NBPF9: variants seen among roughly 807,000 people sequenced by gnomAD.
NBPF9 encodes NBPF family member NBPF9.
Under a neutral mutation model 97.8 loss-of-function variants are expected in NBPF9, and 91 were observed. That is an observed-to-expected ratio of 0.93 (90% confidence interval 0.79 to 1.11). The LOEUF (loss-of-function observed/expected upper bound fraction) is 1.11. Among genes scored for constraint, NBPF9 ranks in the 50% least tolerant of loss-of-function variants. NBPF9 has a pLI of 0.00. For synonymous variants in NBPF9, 334 were observed against 359.5 expected (o/e 0.93, Z 0.80); for missense variants, 992 against 939.5 (o/e 1.06, Z -0.73).
intron 17 of NBPF9, among the ~76,000 whole-genome samples, chr1:149,068,001 C>T (rs1403794238): frequency 2.1e-5 from 3 of 145,872 alleles, no homozygotes; most frequent in African/African-American, 5.3e-5. Context: ...GAATTTTCAA[C>T]CAAGAATTTC....
At chr1:149,080,823 G>A in intron 7 of NBPF9, among the ~76,000 whole-genome samples, 1 of 146,652 alleles carries the variant, frequency 6.8e-6, no homozygotes, top group Non-Finnish European at 1.5e-5. Flanking sequence ...GCCAATTAAT[G>A]TTCAAGGAGA....
chr1:149,090,462 T>C (rs1468321675), intron 5 of NBPF9: 1 of 264,410 alleles, frequency 3.8e-6, no homozygotes, highest in African/African-American at 2.3e-5. Context: ...AGACAATAAA[T>C]TTGCATATTA....
At chr1:149,079,784 C>T (rs2080247300) in intron 8 of NBPF9, among the ~76,000 whole-genome samples, 2 of 151,948 alleles carry the variant, frequency 1.3e-5, no homozygotes, top group South Asian at 4.2e-4. Context: ...CTAGGTGGTT[C>T]CCACTCCTTT....
At chr1:149,073,348 G>T (rs587628610) in intron 13 of NBPF9, among the ~76,000 whole-genome samples, 44 of 140,670 alleles carry the variant, frequency 3.1e-4, no homozygotes, top group African/African-American at 1.0e-3. Context: ...AAAGACGAAA[G>T]AAGAAAAGAA....
chr1:149,058,800 G>A (rs2078407980), intron 26 of NBPF9, 125 bp downstream of exon 26: 5 of 683,490 alleles, frequency 7.3e-6, no homozygotes, highest in East Asian at 5.4e-5. Context: ...CAACCTATAT[G>A]CGCCCATAGG....
chr1:149,063,605 C>A (rs782271479), intron 20 of NBPF9, 28 bp downstream of exon 20: 1 of 607,792 alleles, frequency 1.6e-6, no homozygotes, highest in Non-Finnish European at 2.8e-6. Context: ...TCAGTGGATC[C>A]TTATCACCTT....
intron 4 of NBPF9, among the ~76,000 whole-genome samples, chr1:149,097,068 AGGAGGAAG>A (rs1224737343): frequency 7.2e-5 from 10 of 137,932 alleles, no homozygotes; most frequent in African/African-American, 2.2e-4. Flanking sequence ...GAGGGAAGGA[AGGAGGAAG>A]GGAGGAAGGA....
Position 149,069,085 on chromosome 1 carries a change from A to AG in NBPF9, c.1637+508_1637+509insC, listed in dbSNP as rs587771478. Among the ~76,000 whole-genome samples, 24 of 152,326 alleles carry AG rather than the reference A, an allele frequency of 1.6e-4. No individual in the cohort carries two copies. The East Asian group carries it at 4.1e-3, about 26-fold the overall frequency. On this transcript the variant is annotated intron_variant, in intron 17 of 29. Transcript: ENST00000584027. ...TTCTTTGAAACCAATGAGAACAAAG[A>AG]CAAAACATACCAGAATCTCTGGGAC...
chr1:149,059,592 A>C lies in NBPF9; in HGVS notation c.2585+108T>G, dbSNP rs2078469353. On this transcript the variant is annotated intron_variant, in intron 25 of 29. Transcript: ENST00000584027. ...AACCAACAGCAATGACAGTAGGAGTAATTCAGCCTTCGTTGAAAACGTGAC... is the reference window on the plus strand; with the variant it reads ...AACCAACAGCAATGACAGTAGGAGTCATTCAGCCTTCGTTGAAAACGTGAC... The C allele has an allele frequency of 7.9e-6, 4 of 504,100 alleles. 1 individual carries two copies. Among genetic ancestry groups the C allele is most frequent in the Non-Finnish European group, 1.4e-5 (4 of 278,894 alleles). The allele number at this position is 504,100 out of a possible 1,614,324, so 31.2% of individuals were successfully genotyped here.
intron 5 of NBPF9, among the ~76,000 whole-genome samples, chr1:149,082,870 C>T (rs1478210887): frequency 6.7e-6 from 1 of 148,858 alleles, no homozygotes; most frequent in Non-Finnish European, 1.5e-5. Flanking sequence ...AGCTCTGCCT[C>T]CCAGGTTCAC....
exon 29 of NBPF9, chr1:149,056,550 T>G: frequency 9.6e-6 from 1 of 104,200 alleles, no homozygotes; most frequent in Non-Finnish European, 1.5e-5. Context: ...CCCCTTCTTT[T>G]CTTCCCCTTC....
intron 14 of NBPF9, among the ~76,000 whole-genome samples, chr1:149,072,283 C>G (rs587675394): frequency 6.6e-6 from 1 of 151,628 alleles, no homozygotes; most frequent in South Asian, 2.1e-4. Context: ...TGCTTCAGAC[C>G]CTTGCAAGAG....
exon 4 of NBPF9, chr1:149,098,562 G>T: frequency 4.8e-6 from 7 of 1,458,798 alleles, no homozygotes; most frequent in African/African-American, 4.3e-5. Context: ...AGTGGGAATT[G>T]GTGGCACCCC....
intron 4 of NBPF9, among the ~76,000 whole-genome samples, chr1:149,095,667 A>G (rs1274757245): frequency 2.0e-5 from 3 of 151,378 alleles, no homozygotes; most frequent in Non-Finnish European, 2.9e-5. Flanking sequence ...CACCTCATTA[A>G]TAAGATATAC....
chr1:149,072,579 G>T (rs587698167), intron 14 of NBPF9, 139 bp downstream of exon 14: 2 of 1,420,046 alleles, frequency 1.4e-6, no homozygotes, highest in East Asian at 4.6e-5. Context: ...TCTTACCCAA[G>T]AAGTCCTTGT....
In NBPF9 at chr1:149,059,365, G is replaced by A. The variant is rs1483774101; in HGVS notation, c.2586-268C>T. The A allele has an allele frequency of 4.2e-5, 19 of 447,764 alleles. 3 individuals carry two copies. Among genetic ancestry groups the A allele is most frequent in the East Asian group, 4.1e-4 (14 of 34,560 alleles). The allele number at this position is 447,764 out of a possible 1,614,324, so 27.7% of individuals were successfully genotyped here. The stretch of plus-strand genomic sequence containing the variant: ...GTGACACACTGATGAAGGAGTAAAA[G>A]GACACTCTGAGTTCGTGCCCTCATG... On this transcript the variant is annotated intron_variant, in intron 25 of 29. Transcript: ENST00000584027.
intron 20 of NBPF9, among the ~76,000 whole-genome samples, chr1:149,063,149 G>C: frequency 6.9e-6 from 1 of 144,756 alleles, no homozygotes; most frequent in South Asian, 2.3e-4. Context: ...AATATCATTT[G>C]TCCCAAGTTT....
At chr1:149,099,576 T>C (rs1278252679) in intron 3 of NBPF9, among the ~76,000 whole-genome samples, 6 of 152,118 alleles carry the variant, frequency 3.9e-5, no homozygotes, top group Non-Finnish European at 7.3e-5. Flanking sequence ...ATGTTGAAAA[T>C]GAGATTGAAC....
At chr1:149,058,056 G>C (rs2078343073) in intron 27 of NBPF9, 108 bp downstream of exon 27, 1 of 341,776 alleles carries the variant, frequency 2.9e-6, no homozygotes. Context: ...GAATAATTCA[G>C]GCTTGCTTGA....
Sources: gnomAD v4.1 joint callset for allele counts (sites outside exome capture counted in the v4.1 genomes callset) on GRCh38, gnomAD v4.1.1 for gene constraint, MANE v1.5 for transcripts, NCBI Gene and HGNC (gene_info 2026-07-23, HGNC 2026-07-21) for gene names.